The following SNX29 variants were observed in gnomAD, a reference collection of about 807,000 sequenced individuals.
SNX29 encodes the protein sorting nexin 29.
In SNX29, 78 loss-of-function variants were observed where a neutral mutation model predicts 102.1. That is an observed-to-expected ratio of 0.76 (90% CI 0.64 to 0.92). The LOEUF is 0.92. Ranked by LOEUF, SNX29 falls within the 40% of genes least tolerant of loss-of-function variation. The pLI is 0.00. For synonymous variants in SNX29, 580 were observed against 414.5 expected (o/e 1.40, Z -4.85); for missense variants, 1,280 against 1,061.7 (o/e 1.21, Z -2.86).
intron 16 of SNX29, among the ~76,000 whole-genome samples, chr16:12,362,696 C>T (rs1397381406): frequency 6.6e-6 from 1 of 151,824 alleles, no homozygotes; most frequent in East Asian, 1.9e-4. Context: ...GGCTGCATAT[C>T]AGCTCAACGC....
Position 12,569,241 on chromosome 16 carries a change from G to A in SNX29, c.*612G>A, listed in dbSNP as rs545730424. On this transcript the variant is annotated 3_prime_UTR_variant, in exon 21 of 21. Coordinates refer to ENST00000566228, the MANE Select transcript of SNX29 (RefSeq NM_032167.5). ...AGGGATATTCCTGTGGCTTTGGCAA[G>A]GAGCCATTAGTGATGTGCAACTTGA... 8 of 225,580 alleles carry A rather than the reference G, an allele frequency of 3.5e-5. No homozygotes were observed. The East Asian group carries it at 5.1e-4, about 15-fold the overall frequency. 14.0% of individuals were successfully genotyped at this position (225,580 alleles called of 1,614,324 possible). A position where few individuals can be genotyped will look rare whatever the true frequency, so the allele number is the denominator to read the frequency against.
intron 19 of SNX29, among the ~76,000 whole-genome samples, chr16:12,482,129 G>A (rs938052873): frequency 6.6e-6 from 1 of 152,118 alleles, no homozygotes; most frequent in African/African-American, 2.4e-5. Context: ...TTCTACATTG[G>A]CCCAGAAAAA....
At chr16:12,357,372 A>G (rs1157318408) in intron 16 of SNX29, among the ~76,000 whole-genome samples, 2 of 152,154 alleles carry the variant, frequency 1.3e-5, no homozygotes, top group Admixed American at 6.6e-5. Flanking sequence ...TATCACCCCC[A>G]TTACCAGTAA....
chr16:12,527,284 C>T lies in SNX29; in HGVS notation c.2318+2443C>T, dbSNP rs757338843. The T allele has an allele frequency of 1.1e-5, 6 of 532,198 alleles. No homozygotes were observed. The East Asian group carries it at 1.6e-4, about 14-fold the overall frequency. The allele number at this position is 532,198 out of a possible 1,614,324, so 33.0% of individuals were successfully genotyped here. On this transcript the variant is annotated intron_variant, in intron 20 of 20. Coordinates refer to ENST00000566228, the MANE Select transcript of SNX29 (RefSeq NM_032167.5). The stretch of plus-strand genomic sequence containing the variant: ...TCTCCATGTGATCGTGTCCTTTCTC[C>T]ATGTGCTGCCCACAGAAAGCAGCGA...
At position 12,570,781 on chromosome 16, in the gene SNX29, A is replaced by AAT. The variant is rs997876353; in HGVS notation, c.*2153_*2154insTA. On this transcript the variant is annotated 3_prime_UTR_variant, in exon 21 of 21. Transcript: ENST00000566228. ...GACATTCTGCACATGATAATAATGC[A>AAT]ACAGTCCCCCATTGCTGAGAGATAC... 11 of 114,138 alleles carry AAT rather than the reference A, an allele frequency of 9.6e-5. No individual in the cohort carries two copies. The African/African-American group carries it at 1.1e-3, about 12-fold the overall frequency. 7.1% of individuals were successfully genotyped at this position (114,138 alleles called of 1,614,324 possible).
In SNX29 at chr16:12,571,719, C is replaced by A; in HGVS notation, c.*3090C>A. On this transcript the variant is annotated 3_prime_UTR_variant, in exon 21 of 21. Coordinates refer to ENST00000566228, the MANE Select transcript of SNX29 (RefSeq NM_032167.5). ...CAACAAAAGCTTCTAAGGGAGGGAG[C>A]TTAAAGGCTGCTAGAAACCTAGCCC... 2.8e-6 allele frequency: 3 copies of A among 1,052,926 alleles called. No homozygotes were observed. Among genetic ancestry groups the A allele is most frequent in the African/African-American group, 1.6e-5 (1 of 60,734 alleles). 65.2% of individuals were successfully genotyped at this position (1,052,926 alleles called of 1,614,324 possible).
intron 20 of SNX29, among the ~76,000 whole-genome samples, chr16:12,551,311 C>T (rs373664867): frequency 1.3e-5 from 2 of 152,268 alleles, no homozygotes; most frequent in African/African-American, 4.8e-5. Context: ...CACCAAAAAG[C>T]CACTTGTAAC....
At chr16:12,089,615 T>G (rs978347802) in intron 11 of SNX29, among the ~76,000 whole-genome samples, 8 of 152,056 alleles carry the variant, frequency 5.3e-5, no homozygotes, top group African/African-American at 1.9e-4. Flanking sequence ...TTGGCCTGTT[T>G]TGGTGGCGGG....
intron 20 of SNX29, among the ~76,000 whole-genome samples, chr16:12,566,791 G>T (rs939084793): frequency 1.3e-5 from 2 of 152,218 alleles, no homozygotes; most frequent in South Asian, 2.1e-4. Flanking sequence ...ACGCCAGGCT[G>T]GTTGGGCTCA....
At chr16:12,193,988 A>G (rs1217085215) in intron 13 of SNX29, among the ~76,000 whole-genome samples, 1 of 152,178 alleles carries the variant, frequency 6.6e-6, no homozygotes, top group African/African-American at 2.4e-5. Context: ...TTGTCTTTCC[A>G]TATGAATGTT....
At chr16:12,212,527 A>G (rs550141595) in intron 14 of SNX29, among the ~76,000 whole-genome samples, 4 of 152,308 alleles carry the variant, frequency 2.6e-5, no homozygotes, top group South Asian at 2.1e-4. Context: ...CCTGTCATTT[A>G]CTAGCTCTGA....
intron 15 of SNX29, among the ~76,000 whole-genome samples, chr16:12,330,397 G>T (rs1169684732): frequency 3.3e-5 from 5 of 152,184 alleles, no homozygotes; most frequent in Middle Eastern, 3.2e-3. Context: ...AACCCAGGAG[G>T]CAGAGGTTGC....
At chr16:12,152,837 C>T (rs929631640) in intron 13 of SNX29, among the ~76,000 whole-genome samples, 1 of 152,204 alleles carries the variant, frequency 6.6e-6, no homozygotes, top group Non-Finnish European at 1.5e-5. Context: ...CTAAGTTAAT[C>T]GTCGTGGTTG....
chr16:12,537,108 T>G (rs1430988808), intron 20 of SNX29, among the ~76,000 whole-genome samples: 1 of 152,170 alleles, frequency 6.6e-6, no homozygotes, highest in African/African-American at 2.4e-5. Context: ...GTCAGTCCCT[T>G]TCCTCCCAGC....
chr16:12,371,176 A>T (rs114734748), intron 16 of SNX29, among the ~76,000 whole-genome samples: 2,884 of 152,312 alleles, frequency 0.019, 95 homozygotes, highest in African/African-American at 0.065. Context: ...GGCGTTGGGG[A>T]TCAGCCAAGG....
At chr16:12,344,344 C>T (rs16959256) in intron 15 of SNX29, among the ~76,000 whole-genome samples, 9,613 of 152,234 alleles carry the variant, frequency 0.063, 1,002 homozygotes, top group African/African-American at 0.22. Flanking sequence ...TCCAATCCCA[C>T]GGCCTTTAGT....
chr16:12,556,621 G>T (rs1263637742), intron 20 of SNX29: 1 of 152,368 alleles, frequency 6.6e-6, no homozygotes, highest in Admixed American at 6.5e-5. Flanking sequence ...GTCAAGGCAA[G>T]AAGGGACGGT....
At chr16:12,184,150 G>C (rs1269242369) in intron 13 of SNX29, among the ~76,000 whole-genome samples, 1 of 152,140 alleles carries the variant, frequency 6.6e-6, no homozygotes, top group Non-Finnish European at 1.5e-5. Flanking sequence ...TTGGGGTCTG[G>C]ATCAGAACTC....
chr16:12,421,017 C>T (rs954060222), intron 18 of SNX29, among the ~76,000 whole-genome samples: 3 of 152,214 alleles, frequency 2.0e-5, no homozygotes, highest in Admixed American at 1.3e-4. Flanking sequence ...CGATACCTCA[C>T]TTAATCCTCA....
Sources: allele counts gnomAD v4.1 joint callset (sites outside exome capture counted in the v4.1 genomes callset), GRCh38; gene constraint gnomAD v4.1.1; transcripts MANE v1.5; gene names NCBI Gene and HGNC (gene_info 2026-07-23, HGNC 2026-07-21).